Variants in CNIH3 observed in about 807,000 individuals in gnomAD.
The protein encoded by CNIH3 is protein cornichon homolog 3.
Under a neutral mutation model 24.1 loss-of-function variants are expected in CNIH3, and 14 were observed. The ratio of observed to expected loss-of-function variants is 0.58; its 90% CI spans 0.38 to 0.91. The LOEUF (loss-of-function observed/expected upper bound fraction) is 0.91, where lower values mean the gene tolerates loss of function less well. Among genes scored for constraint, CNIH3 ranks in the 40% least tolerant of loss-of-function variants. CNIH3 has a pLI of 0.00. For synonymous variants in CNIH3, 68 were observed against 73.8 expected (o/e 0.92, Z 0.40); for missense variants, 178 against 196.8 (o/e 0.90, Z 0.57).
At chr1:224,586,916 A>C (rs73115958) in intron 5 of CNIH3, among the ~76,000 whole-genome samples, 1 of 151,948 alleles carries the variant, frequency 6.6e-6, no homozygotes, top group East Asian at 1.9e-4. Flanking sequence ...TTGAGGAAAG[A>C]TTCTCTTCTA....
intron 1 of CNIH3, among the ~76,000 whole-genome samples, chr1:224,517,269 G>A (rs565765658): frequency 6.6e-6 from 1 of 152,168 alleles, no homozygotes; most frequent in South Asian, 2.1e-4. Context: ...CCAATAGTGT[G>A]TGCAGAAATG....
intron 3 of CNIH3, among the ~76,000 whole-genome samples, chr1:224,708,491 C>T (rs994889976): frequency 8.5e-5 from 13 of 152,218 alleles, no homozygotes; most frequent in African/African-American, 3.1e-4. Flanking sequence ...GAAAGAGTCC[C>T]TTGCACTCCC....
chr1:224,586,158 C>T (rs1400491522), intron 5 of CNIH3, among the ~76,000 whole-genome samples: 1 of 152,224 alleles, frequency 6.6e-6, no homozygotes, highest in East Asian at 1.9e-4. Context: ...GACCTGGTAA[C>T]AACCAGATGA....
At chr1:224,667,734 A>G (rs555005560) in intron 1 of CNIH3, among the ~76,000 whole-genome samples, 18 of 149,560 alleles carry the variant, frequency 1.2e-4, no homozygotes, top group Non-Finnish European at 2.4e-4. Flanking sequence ...AGGGCAGTCA[A>G]GGAGGGCAGT....
chr1:224,723,470 A>G (rs892959608), intron 3 of CNIH3, among the ~76,000 whole-genome samples: 18 of 152,206 alleles, frequency 1.2e-4, no homozygotes, highest in African/African-American at 4.1e-4. Context: ...TGAAGAAAAC[A>G]TAGGGAGAAA....
chr1:224,472,684 T>C (rs780054340), intron 1 of CNIH3, among the ~76,000 whole-genome samples: 1 of 152,158 alleles, frequency 6.6e-6, no homozygotes, highest in African/African-American at 2.4e-5. Flanking sequence ...CTGGGCACAG[T>C]GTACACTGCT....
At chr1:224,556,530 A>G (rs1016549218) in intron 3 of CNIH3, among the ~76,000 whole-genome samples, 1 of 151,972 alleles carries the variant, frequency 6.6e-6, no homozygotes, top group Non-Finnish European at 1.5e-5. Flanking sequence ...GGTACCAGGG[A>G]CTGGTTTCAT....
intron 3 of CNIH3, among the ~76,000 whole-genome samples, chr1:224,564,944 C>T (rs1039601821): frequency 6.6e-6 from 1 of 152,246 alleles, no homozygotes; most frequent in South Asian, 2.1e-4. Flanking sequence ...TAGGACCAGA[C>T]AGATGGTGGG....
intron 1 of CNIH3, among the ~76,000 whole-genome samples, chr1:224,666,991 C>T (rs1685626874): frequency 6.6e-6 from 1 of 152,196 alleles, no homozygotes; most frequent in Admixed American, 6.5e-5. Flanking sequence ...TTTCCTGACC[C>T]CTGTCATCTC....
chr1:224,667,481 T>C (rs1464398937), intron 1 of CNIH3, among the ~76,000 whole-genome samples: 2 of 152,144 alleles, frequency 1.3e-5, no homozygotes. Context: ...AAGGCAGCGA[T>C]CTCTTGTTGA....
intron 3 of CNIH3, among the ~76,000 whole-genome samples, chr1:224,701,725 G>T (rs749281823): frequency 2.6e-5 from 4 of 152,142 alleles, no homozygotes; most frequent in African/African-American, 7.2e-5. Context: ...TCTCACTCGC[G>T]ACAGCCCTGG....
intron 4 of CNIH3, chr1:224,574,980 G>A (rs1680974434): frequency 1.1e-6 from 1 of 879,432 alleles, no homozygotes; most frequent in South Asian, 1.3e-5. Context: ...GTATAAGTAG[G>A]TGGTTAATCA....
intron 1 of CNIH3, among the ~76,000 whole-genome samples, chr1:224,446,595 C>T (rs1173641028): frequency 1.3e-5 from 2 of 152,146 alleles, no homozygotes; most frequent in African/African-American, 4.8e-5. Context: ...GGGACTTCAT[C>T]ATCAAAGATG....
intron 1 of CNIH3, among the ~76,000 whole-genome samples, chr1:224,657,842 A>C (rs527640004): frequency 1.3e-5 from 2 of 152,232 alleles, no homozygotes; most frequent in Non-Finnish European, 2.9e-5. Context: ...TATGGATGAC[A>C]AAAGTCTTAA....
intron 3 of CNIH3, among the ~76,000 whole-genome samples, chr1:224,553,777 C>G (rs1252818035): frequency 6.6e-6 from 1 of 150,540 alleles, no homozygotes; most frequent in Non-Finnish European, 1.5e-5. Context: ...TGAGTTTATA[C>G]TACAAATTAT....
chr1:224,606,416 C>G (rs1418801368), intron 3 of CNIH3, among the ~76,000 whole-genome samples: 1 of 152,092 alleles, frequency 6.6e-6, no homozygotes, highest in Non-Finnish European at 1.5e-5. Context: ...AGATGGTCTT[C>G]CCTTGGAGTT....
intron 1 of CNIH3, among the ~76,000 whole-genome samples, chr1:224,486,901 A>T (rs1229357600): frequency 1.3e-5 from 2 of 152,230 alleles, no homozygotes; most frequent in African/African-American, 4.8e-5. Context: ...TGTGAAAAGG[A>T]TAGCAAAGAG....
At chr1:224,452,509 C>A (rs530347188) in intron 1 of CNIH3, among the ~76,000 whole-genome samples, 1 of 151,576 alleles carries the variant, frequency 6.6e-6, no homozygotes, top group African/African-American at 2.4e-5. Flanking sequence ...TGGCCGGGCA[C>A]GGTGGCTCAC....
rs1039094768 is a variant in CNIH3 at position 224,437,177 on chromosome 1, C to T, written n.203+2315C>T. 7 of 152,200 alleles carry T rather than the reference C, an allele frequency of 4.6e-5. 1 individual carries two copies. The highest frequency in any genetic ancestry group is 4.6e-4 in the Admixed American group (7 of 15,288). 9.4% of individuals were successfully genotyped at this position (152,200 alleles called of 1,614,324 possible). A position where few individuals can be genotyped will look rare whatever the true frequency, so the allele number is the denominator to read the frequency against. ...TCCCCCTGATTTACCTTCCCCTTTT[C>T]ACCCTCCTCCTAAAAAGGACTAAGA... On this transcript the variant is annotated intron_variant and non_coding_transcript_variant, in intron 1 of 5. Transcript: ENST00000471578.
Sources: gnomAD v4.1 joint callset for allele counts (sites outside exome capture counted in the v4.1 genomes callset) on GRCh38, gnomAD v4.1.1 for gene constraint, MANE v1.5 for transcripts, NCBI Gene and HGNC (gene_info 2026-07-23, HGNC 2026-07-21) for gene names.